Variants in COL3A1 observed in about 807,000 individuals in gnomAD.
The protein encoded by COL3A1 is collagen type III alpha 1 chain.
A neutral mutation model predicts 200.9 loss-of-function variants in COL3A1; 46 were observed. The observed-to-expected ratio is 0.23, with a 90% CI of 0.18 to 0.29. The LOEUF (loss-of-function observed/expected upper bound fraction) is 0.29. COL3A1 is among the 10% of genes least tolerant of loss of function. The probability of loss-of-function intolerance (pLI) is 1.00; values close to 1 mark genes in which losing one functional copy is unlikely to be tolerated. For missense variants in COL3A1, 1,367 were observed against 1,917.6 expected, an observed-to-expected ratio of 0.71 and a Z score of 5.36; for synonymous variants, 650 against 628.0, an observed-to-expected ratio of 1.03 and a Z score of -0.52.
At position 189,006,442 on chromosome 2, in the gene COL3A1, G is replaced by C. The variant is rs1688588225; in HGVS notation, c.3191G>C (p.Arg1064Thr). 1 of 1,613,990 alleles carries C rather than the reference G, an allele frequency of 6.2e-7. No homozygotes were observed. The highest frequency in any genetic ancestry group is 1.7e-5 in the Admixed American group (1 of 60,002). ...PVGPAGKSGD[R>T]GESGPAGPAG... is the part of the protein sequence containing the mutation. ...GGTCCAGCTGGAAAGAGTGGTGACA[G>C]AGGAGAAAGTGTGAGTTCCCAAAAG... is the stretch of plus-strand genomic sequence containing the variant. Residue 1064 changes from arginine (R) to threonine (T), a missense_variant, in exon 43 of 51, where the codon AGA becomes ACA. By Grantham distance (71) the Arg-to-Thr change is moderately conservative. Coordinates refer to ENST00000304636, the MANE Select transcript of COL3A1 (RefSeq NM_000090.4).
At chr2:189,010,083 A>C in intron 48 of COL3A1, 95 bp from the exon 49 acceptor site, 2 of 1,129,344 alleles carry the variant, frequency 1.8e-6, no homozygotes, top group South Asian at 2.5e-5. Context: ...ACACATTAGC[A>C]GTCAACATTA....
At chr2:189,002,691 G>C (rs919359238) in intron 35 of COL3A1, among the ~76,000 whole-genome samples, 2 of 152,112 alleles carry the variant, frequency 1.3e-5, no homozygotes, top group Admixed American at 1.3e-4. Flanking sequence ...TACTGGTGCT[G>C]ATTTTCAAAT....
chr2:189,007,673 A>G, intron 45 of COL3A1, 66 bp downstream of exon 45: 5 of 1,413,376 alleles, frequency 3.5e-6, no homozygotes, highest in Non-Finnish European at 4.9e-6. Flanking sequence ...TAAGAGAAGA[A>G]AGCTTTCCAT....
chr2:189,008,835 T>G, intron 47 of COL3A1, 89 bp from the exon 48 acceptor site: 1 of 1,386,372 alleles, frequency 7.2e-7, no homozygotes, highest in Non-Finnish European at 1.0e-6. Flanking sequence ...AATGAATTAT[T>G]TTTAAGGCAT....
chr2:188,990,851 T>A (rs1170595914), intron 10 of COL3A1, among the ~76,000 whole-genome samples, 153 bp from the exon 11 acceptor site: 1 of 152,180 alleles, frequency 6.6e-6, no homozygotes, highest in Non-Finnish European at 1.5e-5. Flanking sequence ...GTATGAAATA[T>A]CTTCAACCCC....
In COL3A1 at chr2:188,998,613, G is replaced by A. The variant is rs1688382718; in HGVS notation, c.1978-61G>A. The stretch of plus-strand genomic sequence containing the variant: ...CATATTTGCTTATATTTACATATTT[G>A]CTTATATTTACATAAAATGCACTCT... On this transcript the variant is annotated intron_variant, in intron 28 of 50. Transcript: ENST00000304636. 2.0e-6 allele frequency: 3 copies of A among 1,490,250 alleles called. No individual in the cohort carries two copies. The Admixed American group carries it at 5.0e-5, about 25-fold the overall frequency. 92.3% of individuals were successfully genotyped at this position (1,490,250 alleles called of 1,614,324 possible).
chr2:188,980,985 GA>G (rs1687940859), intron 1 of COL3A1, among the ~76,000 whole-genome samples: 1 of 150,994 alleles, frequency 6.6e-6, no homozygotes, highest in South Asian at 2.1e-4. Flanking sequence ...AAGAGAAAAG[GA>G]AAAAACATTC....
At chr2:189,007,196 T>C (rs1043937755) in intron 44 of COL3A1, among the ~76,000 whole-genome samples, 4 of 141,972 alleles carry the variant, frequency 2.8e-5, no homozygotes, top group African/African-American at 5.3e-5. Context: ...GATAGATAGA[T>C]AGATAGATAG....
intron 32 of COL3A1, among the ~76,000 whole-genome samples, chr2:189,000,818 CA>C (rs1212317340): frequency 2.6e-5 from 4 of 151,862 alleles, no homozygotes; most frequent in Non-Finnish European, 5.9e-5. Flanking sequence ...AAAAACAAAA[CA>C]AAAAACATCT....
chr2:188,975,320 C>T lies in COL3A1; in HGVS notation c.79+752C>T, dbSNP rs572453256. ...CTTTGCTGCAAACAAGGTAAAGATA[C>T]TAGTACTGTTTGACTTCAGAAAGCT... On this transcript the variant is annotated intron_variant, in intron 1 of 50. Transcript: ENST00000304636. 4.2e-4 allele frequency among the ~76,000 whole-genome samples: 64 copies of T among 152,304 alleles called. 1 individual carries two copies. The highest frequency in any genetic ancestry group is 3.7e-3 in the Admixed American group (57 of 15,306).
In COL3A1 at chr2:189,003,081, C is replaced by T; in HGVS notation, c.2553+19C>T. 1 of 1,494,896 alleles carries T rather than the reference C, an allele frequency of 6.7e-7. No homozygotes were observed. The highest frequency in any genetic ancestry group is 9.1e-7 in the Non-Finnish European group (1 of 1,095,416). The allele number at this position is 1,494,896 out of a possible 1,614,324, so 92.6% of individuals were successfully genotyped here. On this transcript the variant is annotated intron_variant, in intron 36 of 50. Coordinates refer to ENST00000304636, the MANE Select transcript of COL3A1 (RefSeq NM_000090.4). The stretch of plus-strand genomic sequence containing the variant: ...ACCTGCTGTAAGTTCCTTCCTCTTT[C>T]TCTGTCTATCTATCTATCATCTATC...
In COL3A1 at chr2:189,010,808, A is replaced by G. The variant is rs373015577; in HGVS notation, c.4172A>G (p.Lys1391Arg). The G allele has an allele frequency of 6.2e-7, 1 of 1,614,062 alleles. No homozygotes were observed. The highest frequency in any genetic ancestry group is 1.3e-5 in the African/African-American group (1 of 74,932). The change falls in exon 50 of 51, where the codon AAG becomes AGG. Residue 1391 changes from lysine (K) to arginine (R), a missense_variant. Physicochemically the swap from Lys to Arg is conservative, Grantham distance 26. Around this residue, in one of 5 missense-constraint regions of COL3A1, gnomAD observed 846 missense variants for 1,147.9 expected, o/e 0.74. Coordinates refer to ENST00000304636, the MANE Select transcript of COL3A1 (RefSeq NM_000090.4). ...QASGNVKKAL[K>R]LMGSNEGEFK... ...AGTGGAAATGTAAAGAAGGCCCTGA[A>G]GCTGATGGGGTCAAATGAAGGTGAA...
intron 8 of COL3A1, 114 bp from the exon 9 acceptor site, chr2:188,989,982 G>C (rs1038540403): frequency 1.1e-6 from 1 of 949,076 alleles, no homozygotes; most frequent in African/African-American, 1.6e-5. Context: ...ACATTTTGTG[G>C]AACCATTTTA....
In COL3A1 at chr2:188,999,332, G is replaced by C; in HGVS notation, c.2070G>C (p.Gly690=). Residue 690 remains glycine, a synonymous_variant, in exon 30 of 51, where the codon GGG becomes GGC. Coordinates refer to ENST00000304636, the MANE Select transcript of COL3A1 (RefSeq NM_000090.4). ...AACGTGGACCTCCTGGATTGGCAGG[G>C]GCCCCAGGACTTAGAGGTGGAGCTG... The part of the protein sequence containing the change: ...PGERGPPGLA[G]APGLRGGAGP... The C allele has an allele frequency of 6.3e-7, 1 of 1,592,402 alleles. No homozygotes were observed. Among genetic ancestry groups the C allele is most frequent in the Non-Finnish European group, 8.6e-7 (1 of 1,168,998 alleles).
At chr2:188,976,577 A>T in intron 1 of COL3A1, among the ~76,000 whole-genome samples, 1 of 152,138 alleles carries the variant, frequency 6.6e-6, no homozygotes, top group East Asian at 1.9e-4. Context: ...AGGTATCTGA[A>T]TATACAGCAC....
chr2:188,980,399 TTTAGA>T (rs1687927061), intron 1 of COL3A1, among the ~76,000 whole-genome samples: 2 of 17,980 alleles, frequency 1.1e-4, no homozygotes, highest in Non-Finnish European at 2.6e-4. Flanking sequence ...AGATTAATCT[TTTAGA>T]CAATTCTAAA....
chr2:188,991,709 T>G lies in COL3A1; in HGVS notation c.938T>G (p.Leu313Arg). 1 of 1,614,024 alleles carries G rather than the reference T, an allele frequency of 6.2e-7. No homozygotes were observed. Among genetic ancestry groups the G allele is most frequent in the Non-Finnish European group, 8.5e-7 (1 of 1,179,948 alleles). ...CCTGGTGAGCGAGGACGGCCAGGAC[T>G]TCCTGGGGCTGCAGTGAGTATAGCT... ...GAPGERGRPGLPGAAGARGND... is the reference protein window; with the variant it reads ...GAPGERGRPGRPGAAGARGND... Residue 313 changes from leucine (L) to arginine (R), a missense_variant, in exon 13 of 51, where the codon CTT (leucine) becomes CGT (arginine). This residue lies in a region of COL3A1 where 462 missense variants were observed against 681.4 expected (regional missense o/e 0.68). Coordinates refer to ENST00000304636, the MANE Select transcript of COL3A1 (RefSeq NM_000090.4).
At chr2:189,005,627 C>G in intron 41 of COL3A1, 170 bp downstream of exon 41, 1 of 697,012 alleles carries the variant, frequency 1.4e-6, no homozygotes. Context: ...CTTAAAAGCT[C>G]TTGTTCATTA....
chr2:188,990,166 T>C lies in COL3A1; in HGVS notation c.744+17T>C. The C allele has an allele frequency of 6.2e-7, 1 of 1,612,636 alleles. No homozygotes were observed. On this transcript the variant is annotated intron_variant, in intron 9 of 50. Coordinates refer to ENST00000304636, the MANE Select transcript of COL3A1 (RefSeq NM_000090.4). ...GGACCTCCAGTGAGTCTTCAGCATC[T>C]AATAAATTAATTGGAATAATCTTAG... is the stretch of plus-strand genomic sequence containing the variant.
Sources: gnomAD v4.1 joint callset for allele counts (sites outside exome capture counted in the v4.1 genomes callset) on GRCh38, gnomAD v4.1.1 for gene constraint, gnomAD v4.1.1 regional missense constraint, MANE v1.5 for transcripts, NCBI Gene and HGNC (gene_info 2026-07-23, HGNC 2026-07-21) for gene names.